Variants in PDE8B observed in about 807,000 individuals in gnomAD.
PDE8B encodes phosphodiesterase 8B, also known as high affinity cAMP-specific and IBMX-insensitive 3',5'-cyclic phosphodiesterase 8B.
A neutral mutation model predicts 101.3 loss-of-function variants in PDE8B; 26 were observed. The ratio of observed to expected loss-of-function variants is 0.26; its 90% CI spans 0.19 to 0.36. PDE8B has a LOEUF of 0.36. Among genes scored for constraint, PDE8B ranks in the 10% least tolerant of loss-of-function variants. The probability of loss-of-function intolerance (pLI) is 1.00; values close to 1 mark genes in which losing one functional copy is unlikely to be tolerated. For missense variants in PDE8B, 810 were observed against 1,163.1 expected (o/e 0.70, Z 4.42); for synonymous variants, 424 against 429.3 (o/e 0.99, Z 0.15).
At chr5:77,342,500 T>G (rs534309534) in intron 6 of PDE8B, among the ~76,000 whole-genome samples, 2 of 148,624 alleles carry the variant, frequency 1.3e-5, no homozygotes, top group South Asian at 4.3e-4. Context: ...TGGAAAAAAA[T>G]AACATTTTTC....
chr5:77,173,105 T>C, the PDE8B span, among the ~76,000 whole-genome samples: 1 of 151,566 alleles, frequency 6.6e-6, no homozygotes, highest in African/African-American at 2.4e-5. Context: ...TCCTCCAGAG[T>C]TTTTGGCAGA....
chr5:77,140,074 G>A, the PDE8B span: 33 of 152,032 alleles, frequency 2.2e-4, no homozygotes, highest in Admixed American at 5.2e-4. Context: ...ACTTCACTAT[G>A]CCTGCAAGTT....
the PDE8B span, among the ~76,000 whole-genome samples, chr5:77,155,898 T>C: frequency 6.6e-6 from 1 of 152,218 alleles, no homozygotes; most frequent in Non-Finnish European, 1.5e-5. Flanking sequence ...AATTATTGTA[T>C]AGATATATTA....
At chr5:77,424,982 G>C (rs770201790) in intron 20 of PDE8B, among the ~76,000 whole-genome samples, 34 of 152,238 alleles carry the variant, frequency 2.2e-4, no homozygotes, top group South Asian at 1.0e-3. Flanking sequence ...GAGCCATTGG[G>C]CTTGGCCTGA....
At chr5:77,207,637 T>C (rs564737521), upstream of PDE8B, among the ~76,000 whole-genome samples, 710 of 152,324 alleles carry the variant, frequency 4.7e-3, 1 homozygote, top group Non-Finnish European at 7.4e-3. Flanking sequence ...CTGGGATGCA[T>C]TGAAGTGGTC....
At chr5:77,174,020 T>C in the PDE8B span, among the ~76,000 whole-genome samples, 1 of 152,202 alleles carries the variant, frequency 6.6e-6, no homozygotes, top group Admixed American at 6.5e-5. Flanking sequence ...CTTCTGGCCA[T>C]CTGCTTAAGT....
chr5:77,408,967 G>A lies in PDE8B; in HGVS notation c.1440G>A (p.Glu480=). ...CGGAAGCCTTGGACAGAGTTCTAGA[G>A]ATTTTACGGACCACAGAACTGTACT... ...TVAEALDRVL[E]ILRTTELYSP... The change falls in exon 14 of 22, where the codon GAG becomes GAA. Residue 480 remains glutamate (E), a synonymous_variant. Transcript: ENST00000264917. The A allele has an allele frequency of 6.2e-7, 1 of 1,613,254 alleles. No individual in the cohort carries two copies. Among genetic ancestry groups the A allele is most frequent in the Non-Finnish European group, 8.5e-7 (1 of 1,179,226 alleles).
intron 1 of PDE8B, among the ~76,000 whole-genome samples, chr5:77,271,152 G>A (rs1280289731): frequency 6.6e-6 from 1 of 152,214 alleles, no homozygotes; most frequent in Non-Finnish European, 1.5e-5. Context: ...AAGTAAAGAA[G>A]AATGGCAGTT....
chr5:77,195,931 G>C, the PDE8B span, among the ~76,000 whole-genome samples: 1 of 152,192 alleles, frequency 6.6e-6, no homozygotes, highest in Admixed American at 6.5e-5. Context: ...CTGCGTGTAA[G>C]TGGACCCACA....
intron 1 of PDE8B, among the ~76,000 whole-genome samples, chr5:77,300,692 A>G (rs567106766): frequency 8.5e-5 from 13 of 152,334 alleles, no homozygotes; most frequent in African/African-American, 2.4e-4. Context: ...AGGAGGGGCC[A>G]AGGGCTGGGC....
chr5:77,219,524 G>T (rs1249789220), intron 1 of PDE8B, among the ~76,000 whole-genome samples: 1 of 152,162 alleles, frequency 6.6e-6, no homozygotes, highest in African/African-American at 2.4e-5. Flanking sequence ...GGAACTGGAA[G>T]GTGATGACAA....
At chr5:77,108,709 GA>G in the PDE8B span, among the ~76,000 whole-genome samples, 21 of 152,078 alleles carry the variant, frequency 1.4e-4, no homozygotes, top group African/African-American at 4.8e-4. Context: ...TAAATGCAAT[GA>G]AAAAAATATC....
At chr5:77,143,701 T>C in the PDE8B span, among the ~76,000 whole-genome samples, 1 of 152,112 alleles carries the variant, frequency 6.6e-6, no homozygotes, top group African/African-American at 2.4e-5. Context: ...ACATCAAGTC[T>C]TTTTTCTTCT....
rs960189642 is a variant in PDE8B at position 77,290,305 on chromosome 5, G to A, written c.340-21689G>A. ...CTCATCAATCAGCCCCAGTATGCAT[G>A]GCTGAAAGAGGTGGGGCTCCGAGAG... On this transcript the variant is annotated intron_variant, in intron 1 of 21. Transcript: ENST00000264917. The A allele has an allele frequency of 5.8e-6, 9 of 1,541,500 alleles. 1 individual carries two copies. In the African/African-American group the frequency reaches 8.2e-5, roughly 14 times the overall value.
intron 6 of PDE8B, among the ~76,000 whole-genome samples, chr5:77,340,548 C>T (rs541452672): frequency 1.7e-3 from 258 of 151,926 alleles, no homozygotes; most frequent in African/African-American, 5.9e-3. Context: ...AGAATCTTTT[C>T]CCTACAAGCC....
rs921295015 is a variant in PDE8B at position 77,300,740 on chromosome 5, G to A, written c.340-11254G>A. ...GGACCTTCCCAGGAGAAGCTTTGCCGGTCTCAGGCTTCTGGTGTCTTTGCT... is the reference window on the plus strand; with the variant it reads ...GGACCTTCCCAGGAGAAGCTTTGCCAGTCTCAGGCTTCTGGTGTCTTTGCT... On this transcript the variant is annotated intron_variant, in intron 1 of 21. Coordinates refer to ENST00000264917, the MANE Select transcript of PDE8B (RefSeq NM_003719.5). Among the ~76,000 whole-genome samples the A allele has an allele frequency of 7.9e-5, 12 of 152,300 alleles. No individual in the cohort carries two copies. The East Asian group carries it at 1.2e-3, about 15-fold the overall frequency.
intron 1 of PDE8B, among the ~76,000 whole-genome samples, chr5:77,215,821 C>G (rs1204239337): frequency 6.6e-6 from 1 of 152,180 alleles, no homozygotes; most frequent in African/African-American, 2.4e-5. Flanking sequence ...TTTGTTCAAC[C>G]AGCAAAGTTG....
At chr5:77,298,482 G>A (rs1348397188) in intron 1 of PDE8B, among the ~76,000 whole-genome samples, 3 of 152,250 alleles carry the variant, frequency 2.0e-5, no homozygotes, top group Non-Finnish European at 2.9e-5. Context: ...ATTTTAGCAT[G>A]TGGGCACCCC....
At chr5:77,185,371 G>T in the PDE8B span, among the ~76,000 whole-genome samples, 1 of 152,018 alleles carries the variant, frequency 6.6e-6, no homozygotes, top group Non-Finnish European at 1.5e-5. Flanking sequence ...GCTTGTAGAC[G>T]GTCATCTTTT....
Sources: gnomAD v4.1 joint callset for allele counts (sites outside exome capture counted in the v4.1 genomes callset) on GRCh38, gnomAD v4.1.1 for gene constraint, MANE v1.5 for transcripts, NCBI Gene and HGNC (gene_info 2026-07-23, HGNC 2026-07-21) for gene names.